CNTN4: variants seen among roughly 807,000 people sequenced by gnomAD.
The protein encoded by CNTN4 is contactin-4.
In CNTN4, 77 loss-of-function variants were observed where a neutral mutation model predicts 122.5. That is an observed-to-expected ratio of 0.63 (90% CI 0.52 to 0.76). The LOEUF is 0.76. Ranked by LOEUF, CNTN4 falls within the 30% of genes least tolerant of loss-of-function variation. The pLI is 0.00. For missense variants in CNTN4, 1,256 were observed against 1,259.1 expected, an observed-to-expected ratio of 1.00 and a Z score of 0.04; for synonymous variants, 512 against 447.0, an observed-to-expected ratio of 1.15 and a Z score of -1.83.
chr3:2,102,722 C>T (rs972153316), intron 2 of CNTN4, among the ~76,000 whole-genome samples: 2 of 152,132 alleles, frequency 1.3e-5, no homozygotes, highest in Non-Finnish European at 2.9e-5. Context: ...CTTTTCCTTG[C>T]ATTGTGCTGG....
intron 14 of CNTN4, among the ~76,000 whole-genome samples, chr3:3,022,296 G>C (rs992681566): frequency 1.3e-5 from 2 of 152,126 alleles, no homozygotes; most frequent in African/African-American, 4.8e-5. Context: ...CATGCCTCTA[G>C]TCCTACCTTG....
At chr3:2,894,370 G>A (rs1195423033) in intron 10 of CNTN4, among the ~76,000 whole-genome samples, 1 of 152,146 alleles carries the variant, frequency 6.6e-6, no homozygotes, top group Non-Finnish European at 1.5e-5. Context: ...TGTTAGGGTT[G>A]GACATTTTTT....
At chr3:2,111,205 T>A (rs4300993) in intron 2 of CNTN4, among the ~76,000 whole-genome samples, 17 of 152,044 alleles carry the variant, frequency 1.1e-4, no homozygotes, top group African/African-American at 2.4e-4. Context: ...GCTGTAATGC[T>A]TATATACGCA....
intron 3 of CNTN4, among the ~76,000 whole-genome samples, chr3:2,364,847 C>G (rs868216153): frequency 6.6e-5 from 10 of 152,136 alleles, no homozygotes; most frequent in African/African-American, 2.4e-4. Context: ...ATGACAATAT[C>G]AAGTCTTGTC....
chr3:2,624,069 A>ATTCAC (rs1474346912), intron 4 of CNTN4, among the ~76,000 whole-genome samples: 1 of 152,192 alleles, frequency 6.6e-6, no homozygotes, highest in Non-Finnish European at 1.5e-5. Context: ...TGTTTATGCC[A>ATTCAC]TTCACTACTT....
At chr3:2,916,970 C>T (rs62232791) in intron 12 of CNTN4, among the ~76,000 whole-genome samples, 23,214 of 103,938 alleles carry the variant, frequency 0.22, 3,472 homozygotes, top group East Asian at 0.46. Context: ...GTGGAGGTTG[C>T]AGCGAGCCGA....
intron 10 of CNTN4, among the ~76,000 whole-genome samples, chr3:2,892,961 T>C (rs552645149): frequency 1.3e-5 from 2 of 152,304 alleles, no homozygotes; most frequent in East Asian, 1.9e-4. Context: ...CTGTGTTACT[T>C]TTCCTGCCAA....
At chr3:2,169,624 C>G (rs1445374877) in intron 2 of CNTN4, among the ~76,000 whole-genome samples, 1 of 151,972 alleles carries the variant, frequency 6.6e-6, no homozygotes, top group Admixed American at 6.6e-5. Context: ...GTCTCGATCT[C>G]CTGACCTCGT....
intron 2 of CNTN4, among the ~76,000 whole-genome samples, chr3:2,192,930 G>A (rs1282555199): frequency 6.6e-6 from 1 of 152,092 alleles, no homozygotes; most frequent in Admixed American, 6.6e-5. Flanking sequence ...TGTGATCCAG[G>A]CATATAATAG....
chr3:2,884,004 T>G (rs1224232552), intron 9 of CNTN4, among the ~76,000 whole-genome samples: 1 of 152,218 alleles, frequency 6.6e-6, no homozygotes, highest in Non-Finnish European at 1.5e-5. Context: ...TAATGATCCG[T>G]GTCAATCTTT....
At chr3:2,745,279 G>T (rs1042546322) in intron 5 of CNTN4, among the ~76,000 whole-genome samples, 1 of 152,126 alleles carries the variant, frequency 6.6e-6, no homozygotes, top group Non-Finnish European at 1.5e-5. Context: ...GTAGTCAGAA[G>T]AACATTTTAA....
At chr3:2,502,695 A>G (rs1358970943) in intron 3 of CNTN4, among the ~76,000 whole-genome samples, 3 of 152,138 alleles carry the variant, frequency 2.0e-5, no homozygotes, top group Non-Finnish European at 2.9e-5. Context: ...TTAGTCCACC[A>G]TATTGTTGGA....
chr3:2,772,397 A>G (rs1198366754), intron 6 of CNTN4, among the ~76,000 whole-genome samples: 2 of 142,504 alleles, frequency 1.4e-5, no homozygotes, highest in Non-Finnish European at 3.1e-5. Flanking sequence ...GGGTGAAGGT[A>G]GGGACGGAGA....
At chr3:2,352,219 T>C (rs904635513) in intron 3 of CNTN4, among the ~76,000 whole-genome samples, 12 of 152,174 alleles carry the variant, frequency 7.9e-5, no homozygotes, top group African/African-American at 2.9e-4. Flanking sequence ...TGAAACGCCG[T>C]TGAGAGGTGA....
At chr3:2,608,530 G>A (rs1385316028) in intron 4 of CNTN4, among the ~76,000 whole-genome samples, 1 of 152,216 alleles carries the variant, frequency 6.6e-6, no homozygotes, top group African/African-American at 2.4e-5. Flanking sequence ...AAAGTCTGCT[G>A]CAGTGATCTC....
At chr3:2,674,793 A>C (rs1005074114) in intron 4 of CNTN4, among the ~76,000 whole-genome samples, 1 of 148,892 alleles carries the variant, frequency 6.7e-6, no homozygotes, top group Non-Finnish European at 1.5e-5. Flanking sequence ...AAAAAAAAAA[A>C]ACCATTAACT....
At chr3:2,849,703 T>G (rs1479495897) in intron 7 of CNTN4, among the ~76,000 whole-genome samples, 3 of 152,174 alleles carry the variant, frequency 2.0e-5, no homozygotes, top group Admixed American at 6.5e-5. Flanking sequence ...GGATTTGCTT[T>G]AGGAATGCAC....
At chr3:2,587,447 T>C (rs1366574826) in intron 4 of CNTN4, among the ~76,000 whole-genome samples, 2 of 152,202 alleles carry the variant, frequency 1.3e-5, no homozygotes, top group Non-Finnish European at 2.9e-5. Context: ...AATAAAAATT[T>C]TCAAGTGGAG....
intron 3 of CNTN4, among the ~76,000 whole-genome samples, chr3:2,355,179 G>A (rs933071735): frequency 6.6e-6 from 1 of 152,180 alleles, no homozygotes; most frequent in Non-Finnish European, 1.5e-5. Flanking sequence ...CTTCTGACCT[G>A]TGTCAAAGCA....
Sources: allele counts gnomAD v4.1 joint callset (sites outside exome capture counted in the v4.1 genomes callset), GRCh38; gene constraint gnomAD v4.1.1; transcripts MANE v1.5; gene names NCBI Gene and HGNC (gene_info 2026-07-23, HGNC 2026-07-21).